The following MTR variants were observed in gnomAD, a reference collection of about 807,000 sequenced individuals.
MTR encodes the protein 5-methyltetrahydrofolate-homocysteine methyltransferase, also known as methionine synthase.
MTR carries 84 observed loss-of-function variants against 154.8 expected under a neutral mutation model. That is an observed-to-expected ratio of 0.54 (90% CI 0.45 to 0.65). MTR has a LOEUF of 0.65. Ranked by LOEUF, MTR falls within the 30% of genes least tolerant of loss-of-function variation. MTR has a pLI of 0.00. For synonymous variants in MTR, 554 were observed against 553.9 expected (o/e 1.00, Z 0.00); for missense variants, 1,275 against 1,570.2 (o/e 0.81, Z 3.18).
intron 5 of MTR, 134 bp downstream of exon 5, chr1:236,810,729 G>GTACA: frequency 1.4e-6 from 1 of 729,798 alleles, no homozygotes; most frequent in Non-Finnish European, 2.4e-6. Context: ...TGTAAAACGT[G>GTACA]TACAGCAGTG....
In MTR at chr1:236,880,825, AGT is replaced by A. The variant is rs794727395; in HGVS notation, c.2669_2670del (p.Val890GlyfsTer9). On this transcript the variant is annotated frameshift_variant, in exon 25 of 33. Transcript: ENST00000366577. LOFTEE classifies it high-confidence loss of function. ...AATCCATGTCCTGGACGCGTCCAAG[AGT>A]GTGGTGGTGGTAAGTGGGTGACCTT... is the stretch of plus-strand genomic sequence containing the variant. ...PVIHVLDASK[S>X]VVVCSQLLDE... 1.9e-6 allele frequency: 3 copies of A among 1,614,098 alleles called. No individual in the cohort carries two copies. Among genetic ancestry groups the A allele is most frequent in the Non-Finnish European group, 2.5e-6 (3 of 1,179,960 alleles).
chr1:236,873,721 T>A, intron 22 of MTR, 52 bp from the exon 23 acceptor site: 2 of 1,458,710 alleles, frequency 1.4e-6, no homozygotes, highest in Non-Finnish European at 1.9e-6. Context: ...ATTTCAGTTT[T>A]GTCTCTAATG....
chr1:236,799,696 T>A (rs1660600053), intron 1 of MTR, among the ~76,000 whole-genome samples: 6 of 152,008 alleles, frequency 3.9e-5, no homozygotes, highest in Admixed American at 3.3e-4. Flanking sequence ...CTTTAGACAT[T>A]GAAGAATCTC....
rs116753752 is a variant in MTR, at chr1:236,867,084, A to T, written c.2405+3530A>T. ...GGCTATGCTAACCAATAGGTTTTCA[A>T]TGTAGATGAAATAGCTTTCTGTTGG... On this transcript the variant is annotated intron_variant, in intron 22 of 32. Coordinates refer to ENST00000366577, the MANE Select transcript of MTR (RefSeq NM_000254.3). 3.7e-3 allele frequency among the ~76,000 whole-genome samples: 560 copies of T among 152,284 alleles called. 3 individuals are homozygous for T. Among genetic ancestry groups the T allele is most frequent in the African/African-American group, 0.013 (537 of 41,550 alleles).
At chr1:236,845,234 T>C (rs757691608) in intron 15 of MTR, among the ~76,000 whole-genome samples, 56 of 152,202 alleles carry the variant, frequency 3.7e-4, no homozygotes, top group Non-Finnish European at 5.9e-4. Context: ...CTTGGTCTTG[T>C]CTAAGGATAG....
chr1:236,868,435 A>G (rs144616987), intron 22 of MTR, among the ~76,000 whole-genome samples: 25 of 152,320 alleles, frequency 1.6e-4, no homozygotes, highest in Middle Eastern at 3.4e-3. Context: ...TTATTGAGAT[A>G]CTTTATTGTA....
chr1:236,891,470 C>CGCCCAA (rs1343636781), intron 29 of MTR, 141 bp downstream of exon 29: 4 of 912,360 alleles, frequency 4.4e-6, no homozygotes, highest in African/African-American at 1.6e-5. Flanking sequence ...ACCAGTCACA[C>CGCCCAA]GCCCAAGCCC....
At chr1:236,872,046 T>G (rs961216926) in intron 22 of MTR, among the ~76,000 whole-genome samples, 3 of 152,196 alleles carry the variant, frequency 2.0e-5, no homozygotes, top group Non-Finnish European at 4.4e-5. Context: ...GAATTGTTGA[T>G]GTAATGAAAT....
chr1:236,795,281 A>C (rs1324557185), upstream of MTR: 6 of 1,196,940 alleles, frequency 5.0e-6, no homozygotes, highest in Non-Finnish European at 6.4e-6. Context: ...CGCCGAGGAT[A>C]GATTGAGCGC....
chr1:236,844,122 C>T (rs1017108569), intron 15 of MTR, among the ~76,000 whole-genome samples: 2 of 151,972 alleles, frequency 1.3e-5, no homozygotes, highest in African/African-American at 4.8e-5. Flanking sequence ...GAAGGAGCAG[C>T]CTGTATGGTA....
At chr1:236,875,983 T>C (rs1665411320) in intron 24 of MTR, among the ~76,000 whole-genome samples, 1 of 152,202 alleles carries the variant, frequency 6.6e-6, no homozygotes, top group African/African-American at 2.4e-5. Context: ...CTTGTAGGGC[T>C]GGGGAGTGAA....
chr1:236,825,166 T>TTTTTTA (rs1662212949), intron 9 of MTR, among the ~76,000 whole-genome samples, 172 bp from the exon 10 acceptor site: 1 of 150,688 alleles, frequency 6.6e-6, no homozygotes, highest in African/African-American at 2.4e-5. Context: ...TTTAGTTTTT[T>TTTTTTA]GGGGGGTGTG....
At chr1:236,808,632 A>G (rs1661122366) in intron 3 of MTR, 72 bp from the exon 4 acceptor site, 15 of 1,406,614 alleles carry the variant, frequency 1.1e-5, no homozygotes, top group Non-Finnish European at 1.4e-5. Flanking sequence ...TGAGTATTAG[A>G]TGGTCATGAA....
At chr1:236,846,322 A>G (rs1434544181) in intron 15 of MTR, among the ~76,000 whole-genome samples, 1 of 152,244 alleles carries the variant, frequency 6.6e-6, no homozygotes, top group Non-Finnish European at 1.5e-5. Flanking sequence ...AGGTTCACAA[A>G]AATGACTTTG....
rs542190421 is a variant in MTR, at chr1:236,795,367, G to A, written c.-337G>A. The stretch of plus-strand genomic sequence containing the variant: ...GGATGTCACGTCGTCCTCCTCTGCC[G>A]GTTTTCTCTTGGGTCCTTTTCCGTG... On this transcript the variant is annotated 5_prime_UTR_variant, in exon 1 of 33. Coordinates refer to ENST00000366577, the MANE Select transcript of MTR (RefSeq NM_000254.3). 2.2e-6 allele frequency: 3 copies of A among 1,369,430 alleles called. No homozygotes were observed. The highest frequency in any genetic ancestry group is 7.7e-5 in the East Asian group (2 of 25,990). The allele number at this position is 1,369,430 out of a possible 1,614,324, so 84.8% of individuals were successfully genotyped here. A position where few individuals can be genotyped will look rare whatever the true frequency, so the allele number is the denominator to read the frequency against.
At chr1:236,859,805 C>A in intron 18 of MTR, 28 bp from the exon 19 acceptor site, 2 of 1,559,666 alleles carry the variant, frequency 1.3e-6, no homozygotes, top group Non-Finnish European at 1.8e-6. Context: ...TGAGTTGTAT[C>A]CATTTCTTGG....
At chr1:236,797,958 C>CA (rs754624577) in intron 1 of MTR, among the ~76,000 whole-genome samples, 11,154 of 138,714 alleles carry the variant, frequency 0.08, 862 homozygotes, top group African/African-American at 0.2. Context: ...ACTTAGTCTC[C>CA]AAAAAAAAAC....
At chr1:236,872,159 G>C (rs1212570468) in intron 22 of MTR, among the ~76,000 whole-genome samples, 1 of 152,162 alleles carries the variant, frequency 6.6e-6, no homozygotes, top group East Asian at 1.9e-4. Flanking sequence ...TAAAATAGAA[G>C]TAATTCCTAG....
intron 25 of MTR, among the ~76,000 whole-genome samples, chr1:236,883,138 A>G (rs1665840905): frequency 6.6e-6 from 1 of 152,246 alleles, no homozygotes; most frequent in Non-Finnish European, 1.5e-5. Flanking sequence ...TTAAATTATA[A>G]AATATCTTTT....
Sources: gnomAD v4.1 joint callset for allele counts (sites outside exome capture counted in the v4.1 genomes callset) on GRCh38, gnomAD v4.1.1 for gene constraint, MANE v1.5 for transcripts, NCBI Gene and HGNC (gene_info 2026-07-23, HGNC 2026-07-21) for gene names.